Variants in CDS2 observed in about 807,000 individuals in gnomAD.
CDS2 encodes phosphatidate cytidylyltransferase 2.
A neutral mutation model predicts 59.0 loss-of-function variants in CDS2; 47 were observed. The ratio of observed to expected loss-of-function variants is 0.80; its 90% confidence interval spans 0.63 to 1.02. The LOEUF (loss-of-function observed/expected upper bound fraction) is 1.02. Ranked by LOEUF, CDS2 falls within the 50% of genes least tolerant of loss-of-function variation. The probability of loss-of-function intolerance (pLI) is 0.00; values close to 1 mark genes in which losing one functional copy is unlikely to be tolerated. For missense variants in CDS2, 356 were observed against 558.9 expected (o/e 0.64, Z 3.66); for synonymous variants, 207 against 206.4 (o/e 1.00, Z -0.02).
At position 5,190,896 on chromosome 20, in the gene CDS2, G is replaced by C. The variant is rs1422379478; in HGVS notation, c.*662G>C. 6.6e-6 allele frequency: 1 copy of C among 152,562 alleles called. No individual in the cohort carries two copies. The highest frequency in any genetic ancestry group is 1.5e-5 in the Non-Finnish European group (1 of 68,022). 9.5% of individuals were successfully genotyped at this position (152,562 alleles called of 1,614,324 possible). On this transcript the variant is annotated 3_prime_UTR_variant, in exon 13 of 13. Transcript: ENST00000460006. ...AAAGCACGAAAAATTATTTATAATA[G>C]TCTGGAGAAAAAACACACTGTAATA...
intron 4 of CDS2, among the ~76,000 whole-genome samples, chr20:5,178,188 G>T (rs2091008025): frequency 6.6e-6 from 1 of 152,196 alleles, no homozygotes; most frequent in Non-Finnish European, 1.5e-5. Context: ...CTAATGGAAG[G>T]TCTGTTTGTC....
At chr20:5,142,611 A>G (rs1215607754) in intron 1 of CDS2, among the ~76,000 whole-genome samples, 1 of 152,208 alleles carries the variant, frequency 6.6e-6, no homozygotes, top group East Asian at 1.9e-4. Context: ...TGGCATGGTG[A>G]TGTATATTCC....
chr20:5,183,608 C>T (rs1252718647), intron 7 of CDS2, among the ~76,000 whole-genome samples: 3 of 152,054 alleles, frequency 2.0e-5, no homozygotes, highest in Non-Finnish European at 4.4e-5. Flanking sequence ...GAAACAGGAC[C>T]AAATGGGTTA....
At position 5,186,740 on chromosome 20, in the gene CDS2, CAAT is replaced by C. The variant is rs2091071020; in HGVS notation, c.883_885del (p.Asn295del). On this transcript the variant is annotated inframe_deletion, in exon 10 of 13. Transcript: ENST00000460006. The stretch of plus-strand genomic sequence containing the variant: ...GCTTTGTCTGCCCTGTGGAGTACAA[CAAT>C]GACACCAACAGCTTCACTGTGGACT... 2.5e-6 allele frequency: 4 copies of C among 1,614,138 alleles called. No individual in the cohort carries two copies. Among genetic ancestry groups the C allele is most frequent in the East Asian group, 4.5e-5 (2 of 44,868 alleles).
rs148153005 is a variant in CDS2, at chr20:5,188,794, T to A, written c.982-273T>A. Among the ~76,000 whole-genome samples, 1,489 of 152,262 alleles carry A rather than the reference T, an allele frequency of 9.8e-3. 10 individuals carry two copies. The highest frequency in any genetic ancestry group is 0.061 in the Middle Eastern group (18 of 294). ...AAGGTCAAAGGTGGAAGCAGACACA[T>A]GCAAAGAGGCAAAACCAGGGGCTTC... On this transcript the variant is annotated intron_variant, in intron 10 of 12. Coordinates refer to ENST00000460006, the MANE Select transcript of CDS2 (RefSeq NM_003818.4).
chr20:5,160,724 C>T (rs1191262955), intron 1 of CDS2, among the ~76,000 whole-genome samples: 1 of 152,170 alleles, frequency 6.6e-6, no homozygotes, highest in Non-Finnish European at 1.5e-5. Context: ...TCTCACTCCC[C>T]CAGCCCCTGA....
chr20:5,189,845 T>G lies in CDS2; in HGVS notation c.1205+7T>G. The stretch of plus-strand genomic sequence containing the variant: ...ACATCGCCAGTTTTATCAGGTATAG[T>G]ACCTTTCCATCTGAACCAAGTTGGT... On this transcript the variant is annotated splice_region_variant and intron_variant, in intron 12 of 12. Coordinates refer to ENST00000460006, the MANE Select transcript of CDS2 (RefSeq NM_003818.4). The G allele has an allele frequency of 1.3e-6, 2 of 1,599,224 alleles. No individual in the cohort carries two copies. The highest frequency in any genetic ancestry group is 2.2e-5 in the South Asian group (2 of 90,126).
Position 5,184,003 on chromosome 20 carries a change from A to G in CDS2, c.672-855A>G, listed in dbSNP as rs1400365324. 6.6e-6 allele frequency among the ~76,000 whole-genome samples: 1 copy of G among 152,092 alleles called. No homozygotes were observed. The highest frequency in any genetic ancestry group is 1.5e-5 in the Non-Finnish European group (1 of 68,010). On this transcript the variant is annotated intron_variant, in intron 7 of 12. Transcript: ENST00000460006. The surrounding 1 kb of genome is among the most constrained non-coding windows in gnomAD (Gnocchi z 4.3). ...AAATCCCCGTCTCTACTAAAAATAC[A>G]AAAAAATAGCTGGTGTGGTGGCGTG...
In CDS2 at chr20:5,136,701, T is replaced by TG. The variant is rs879674312; in HGVS notation, c.57+9559dup. 2.1e-4 allele frequency among the ~76,000 whole-genome samples: 31 copies of TG among 151,048 alleles called. 1 individual carries two copies. The Middle Eastern group carries it at 0.01, about 50-fold the overall frequency. Reference sequence around the variant, plus strand: ...GTTCTGAAACTGCCCTAATAATTATTGGGGGGGTGGGGTGGAGTGATAGAA... The same window carrying TG: ...GTTCTGAAACTGCCCTAATAATTATTGGGGGGGGTGGGGTGGAGTGATAGAA... On this transcript the variant is annotated intron_variant, in intron 1 of 12. Transcript: ENST00000460006.
Position 5,179,119 on chromosome 20 carries a change from A to G in CDS2, c.529+163A>G, listed in dbSNP as rs199538593. On this transcript the variant is annotated intron_variant, in intron 5 of 12. Transcript: ENST00000460006. Reference sequence around the variant, plus strand: ...TCTATGTTAAGCTGTAGCAGCTGTTACCTTTTTTTTTTTTTTTTTTGAGCC... The same window carrying G: ...TCTATGTTAAGCTGTAGCAGCTGTTGCCTTTTTTTTTTTTTTTTTTGAGCC... Among the ~76,000 whole-genome samples, 4 of 124,022 alleles carry G rather than the reference A, an allele frequency of 3.2e-5. No individual in the cohort carries two copies. The East Asian group carries it at 8.9e-4, about 28-fold the overall frequency. 81.4% of individuals were successfully genotyped at this position (124,022 alleles called of 152,430 possible).
intron 7 of CDS2, 96 bp downstream of exon 7, chr20:5,183,239 A>G (rs1217739297): frequency 1.0e-6 from 1 of 980,078 alleles, no homozygotes; most frequent in Non-Finnish European, 1.6e-6. Flanking sequence ...CTTGAGCCAC[A>G]TCAGAATCCT....
chr20:5,127,293 C>A, intron 1 of CDS2, 144 bp downstream of exon 1: 1 of 684,660 alleles, frequency 1.5e-6, no homozygotes, highest in Non-Finnish European at 2.1e-6. Flanking sequence ...GCGAAGGGCC[C>A]TCGGGTGCCC....
rs1044344829 is a variant in CDS2, at chr20:5,197,558, A to C, written c.*7324A>C. 5 of 151,674 alleles carry C rather than the reference A, an allele frequency of 3.3e-5. No homozygotes were observed. The highest frequency in any genetic ancestry group is 7.4e-5 in the Non-Finnish European group (5 of 67,978). 9.4% of individuals were successfully genotyped at this position (151,674 alleles called of 1,614,324 possible). A position where few individuals can be genotyped will look rare whatever the true frequency, so the allele number is the denominator to read the frequency against. On this transcript the variant is annotated 3_prime_UTR_variant, in exon 13 of 13. Transcript: ENST00000460006. ...GATGGAATTCAGTTGTCTCACCCTG[A>C]TAGCCTGGGTGTTGATATTCACTTT...
intron 10 of CDS2, chr20:5,187,195 C>T (rs942729062): frequency 2.9e-5 from 7 of 238,584 alleles, no homozygotes; most frequent in South Asian, 6.4e-5. Context: ...TGTGATACGG[C>T]GCAAAAGCAG....
At chr20:5,147,579 C>G (rs1481726748) in intron 1 of CDS2, among the ~76,000 whole-genome samples, 1 of 152,016 alleles carries the variant, frequency 6.6e-6, no homozygotes, top group Non-Finnish European at 1.5e-5. Context: ...CCACTTCTTT[C>G]TTTTTATTTT....
intron 1 of CDS2, among the ~76,000 whole-genome samples, chr20:5,160,853 G>C (rs1165965972): frequency 6.6e-6 from 1 of 152,138 alleles, no homozygotes; most frequent in Non-Finnish European, 1.5e-5. Flanking sequence ...ATGTCCTCAA[G>C]GTTCATCCAT....
At chr20:5,149,647 C>T (rs2090772598) in intron 1 of CDS2, among the ~76,000 whole-genome samples, 1 of 152,142 alleles carries the variant, frequency 6.6e-6, no homozygotes, top group Non-Finnish European at 1.5e-5. Context: ...AGTGATCCTC[C>T]TACCTCGACC....
At chr20:5,169,861 G>A (rs2123032902) in intron 1 of CDS2, among the ~76,000 whole-genome samples, 1 of 152,310 alleles carries the variant, frequency 6.6e-6, no homozygotes, top group East Asian at 1.9e-4. Context: ...TTGAAGCAAG[G>A]TAGGCAAATG....
chr20:5,184,281 G>T lies in CDS2; in HGVS notation c.672-577G>T, dbSNP rs2091051488. ...TGGAAACCACCTCTTTCATAGTGAG[G>T]ATGACTGGATCAGCAGGGGAGTGGG... is the stretch of plus-strand genomic sequence containing the variant. On this transcript the variant is annotated intron_variant, in intron 7 of 12. Coordinates refer to ENST00000460006, the MANE Select transcript of CDS2 (RefSeq NM_003818.4). The surrounding 1 kb of genome is among the most constrained non-coding windows in gnomAD (Gnocchi z 4.3). Among the ~76,000 whole-genome samples the T allele has an allele frequency of 2.6e-5, 4 of 152,204 alleles. No individual in the cohort carries two copies.
Sources: gnomAD v4.1 joint callset for allele counts (sites outside exome capture counted in the v4.1 genomes callset) on GRCh38, gnomAD v4.1.1 for gene constraint, Gnocchi (gnomAD v3.1) non-coding constraint, MANE v1.5 for transcripts, NCBI Gene and HGNC (gene_info 2026-07-23, HGNC 2026-07-21) for gene names.